Variants in OTOGL observed in about 807,000 individuals in gnomAD.
The protein encoded by OTOGL is otogelin-like protein.
OTOGL carries 285 observed loss-of-function variants against 318.5 expected under a neutral mutation model. The ratio of observed to expected loss-of-function variants is 0.89; its 90% CI spans 0.81 to 0.99. The LOEUF (loss-of-function observed/expected upper bound fraction) is 0.99. Ranked by LOEUF, OTOGL falls within the 50% of genes least tolerant of loss-of-function variation. The pLI is 0.00. For synonymous variants in OTOGL, 987 were observed against 936.5 expected (o/e 1.05, Z -0.99); for missense variants, 2,899 against 2,845.6 (o/e 1.02, Z -0.43).
chr12:80,345,095 T>G (rs866869569), intron 44 of OTOGL, among the ~76,000 whole-genome samples: 10 of 40,664 alleles, frequency 2.5e-4, no homozygotes, highest in Non-Finnish European at 4.0e-4. Flanking sequence ...TATGTTATAT[T>G]TTATATATTA....
intron 1 of OTOGL, among the ~76,000 whole-genome samples, chr12:80,196,832 C>G (rs1876105469): frequency 6.6e-6 from 1 of 152,172 alleles, no homozygotes; most frequent in Non-Finnish European, 1.5e-5. Flanking sequence ...ACTGGATTTC[C>G]TCCTCTAGGC....
At chr12:80,238,369 A>T (rs1592589534) in intron 9 of OTOGL, among the ~76,000 whole-genome samples, 1 of 151,026 alleles carries the variant, frequency 6.6e-6, no homozygotes, top group Admixed American at 6.6e-5. Flanking sequence ...GTCCCAAAGA[A>T]TTTGACAAGT....
intron 1 of OTOGL, among the ~76,000 whole-genome samples, chr12:80,128,146 C>G (rs151282636): frequency 0.025 from 3,777 of 152,240 alleles, 156 homozygotes; most frequent in African/African-American, 0.086. Flanking sequence ...TTTTTCTGCT[C>G]TGTTTTTTCC....
Position 80,222,102 on chromosome 12 carries a change from G to A in OTOGL, c.346G>A (p.Gly116Ser). ...GTRCQIIPNM[G>S]NGRDGICKTW... is the part of the protein sequence containing the mutation. ...CTGTTTCTTTTCAGTCCCAAACATG[G>A]GCAACGGCAGAGATGGGATTTGTAA... The change falls in exon 7 of 59, where the codon GGC becomes AGC. Residue 116 changes from glycine (G) to serine (S), a missense_variant. Coordinates refer to ENST00000547103, the MANE Select transcript of OTOGL (RefSeq NM_001378609.3). 6.3e-7 allele frequency: 1 copy of A among 1,597,728 alleles called. No individual in the cohort carries two copies. The highest frequency in any genetic ancestry group is 1.1e-5 in the South Asian group (1 of 90,814).
Position 80,270,423 on chromosome 12 carries a change from C to T in OTOGL, c.2518+269C>T, listed in dbSNP as rs901963798. Among the ~76,000 whole-genome samples, 9 of 152,260 alleles carry T rather than the reference C, an allele frequency of 5.9e-5. No homozygotes were observed. In the East Asian group the frequency reaches 1.7e-3, roughly 29 times the overall value. On this transcript the variant is annotated intron_variant, in intron 23 of 58. Coordinates refer to ENST00000547103, the MANE Select transcript of OTOGL (RefSeq NM_001378609.3). ...TGCCTAGATGCTGCCTACCACAGGA[C>T]CACCTCAGGCATCCCAAGGACTTTA...
At chr12:80,176,078 C>G (rs953310335) in intron 1 of OTOGL, among the ~76,000 whole-genome samples, 1 of 152,158 alleles carries the variant, frequency 6.6e-6, no homozygotes, top group Non-Finnish European at 1.5e-5. Flanking sequence ...GTTTTCTACT[C>G]TGCTATAATT....
chr12:80,158,818 C>T (rs568146396), intron 1 of OTOGL, among the ~76,000 whole-genome samples: 132 of 152,078 alleles, frequency 8.7e-4, no homozygotes, highest in Non-Finnish European at 1.3e-3. Context: ...TTTGGATGCT[C>T]TTTATTTCTT....
intron 1 of OTOGL, among the ~76,000 whole-genome samples, chr12:80,200,483 AATAG>A (rs1876380241): frequency 6.6e-6 from 1 of 152,206 alleles, no homozygotes; most frequent in Non-Finnish European, 1.5e-5. Flanking sequence ...AATACAAATG[AATAG>A]ATATTTTTCA....
At chr12:80,196,185 G>A (rs561841804) in intron 1 of OTOGL, among the ~76,000 whole-genome samples, 39 of 152,272 alleles carry the variant, frequency 2.6e-4, no homozygotes, top group Non-Finnish European at 4.0e-4. Context: ...GTGAGCCTTG[G>A]TGTATCCATG....
Position 80,238,816 on chromosome 12 carries a change from TTGTG to T in OTOGL, c.818-18_818-15del, listed in dbSNP as rs143126749. 406 of 1,307,536 alleles carry T rather than the reference TTGTG, an allele frequency of 3.1e-4. 1 individual carries two copies. The highest frequency in any genetic ancestry group is 2.1e-3 in the African/African-American group (137 of 65,390). The allele number at this position is 1,307,536 out of a possible 1,614,324, so 81.0% of individuals were successfully genotyped here. On this transcript the variant is annotated intron_variant, in intron 9 of 58. Transcript: ENST00000547103. ...TGGAAAATGATATGATTACACCTAT[TTGTG>T]TGTGTGTGTGTGTGTGCCTGTGTGA...
At chr12:80,206,788 C>T (rs1185054973) in intron 1 of OTOGL, among the ~76,000 whole-genome samples, 2 of 151,720 alleles carry the variant, frequency 1.3e-5, no homozygotes, top group African/African-American at 4.8e-5. Flanking sequence ...GGACTACAGG[C>T]GTGAGCCACT....
At chr12:80,166,715 A>C (rs192488800) in intron 1 of OTOGL, among the ~76,000 whole-genome samples, 29 of 152,292 alleles carry the variant, frequency 1.9e-4, no homozygotes, top group Admixed American at 7.2e-4. Context: ...CACTATATTT[A>C]CTGTAACCTA....
chr12:80,302,169 C>T lies in OTOGL; in HGVS notation c.3064-465C>T, dbSNP rs191493745. Among the ~76,000 whole-genome samples, 463 of 152,316 alleles carry T rather than the reference C, an allele frequency of 3.0e-3. 3 individuals are homozygous for T. Among genetic ancestry groups the T allele is most frequent in the Middle Eastern group, 0.01 (3 of 294 alleles). ...AACTTAATGATTCTGATTTTCAAGACATATTTAATGAAGTCAGTAGACTAT... is the reference window on the plus strand; with the variant it reads ...AACTTAATGATTCTGATTTTCAAGATATATTTAATGAAGTCAGTAGACTAT... On this transcript the variant is annotated intron_variant, in intron 27 of 58. Coordinates refer to ENST00000547103, the MANE Select transcript of OTOGL (RefSeq NM_001378609.3).
rs199961774 is a variant in OTOGL at position 80,166,612 on chromosome 12, C to T, written c.-19-42801C>T. ...TTTCCATTCCAAAGATAAACAGGCT[C>T]AGAGATTTACTCTGCTCCATAAAAT... On this transcript the variant is annotated intron_variant, in intron 1 of 58. Transcript: ENST00000547103. Among the ~76,000 whole-genome samples, 50 of 152,228 alleles carry T rather than the reference C, an allele frequency of 3.3e-4. No individual in the cohort carries two copies. In the East Asian group the frequency reaches 6.7e-3, roughly 21 times the overall value.
intron 52 of OTOGL, among the ~76,000 whole-genome samples, chr12:80,363,802 C>A (rs979361402): frequency 1.3e-5 from 2 of 152,096 alleles, no homozygotes; most frequent in Non-Finnish European, 2.9e-5. Flanking sequence ...CTAGCCTTTC[C>A]TCCTATGGGA....
intron 36 of OTOGL, 127 bp from the exon 37 acceptor site, chr12:80,328,924 A>G (rs1309357143): frequency 9.7e-7 from 1 of 1,031,778 alleles, no homozygotes; most frequent in Non-Finnish European, 1.4e-6. Flanking sequence ...TAGATCTTCC[A>G]CTAACATCTC....
chr12:80,335,859 A>G, intron 38 of OTOGL, 104 bp from the exon 39 acceptor site: 1 of 1,046,406 alleles, frequency 9.6e-7, no homozygotes, highest in Non-Finnish European at 1.3e-6. Context: ...AAGTTTTTGT[A>G]TTCAATAAAT....
intron 37 of OTOGL, among the ~76,000 whole-genome samples, 199 bp from the exon 38 acceptor site, chr12:80,332,806 A>G (rs1358921047): frequency 6.6e-6 from 1 of 152,196 alleles, no homozygotes; most frequent in Non-Finnish European, 1.5e-5. Flanking sequence ...TCTGCCACTT[A>G]ACAGCCTTAC....
chr12:80,202,213 C>T (rs1478357135), intron 1 of OTOGL, among the ~76,000 whole-genome samples: 3 of 152,030 alleles, frequency 2.0e-5, no homozygotes, highest in South Asian at 2.1e-4. Context: ...TTTCTGTTCC[C>T]GTTCGGGTTT....
Sources: allele counts gnomAD v4.1 joint callset (sites outside exome capture counted in the v4.1 genomes callset), GRCh38; gene constraint gnomAD v4.1.1; transcripts MANE v1.5; gene names NCBI Gene and HGNC (gene_info 2026-07-23, HGNC 2026-07-21).